Variants in LHX8 observed in about 807,000 individuals in gnomAD.
LHX8 encodes the protein LIM/homeobox protein Lhx8.
LHX8 carries 12 observed loss-of-function variants against 40.3 expected under a neutral mutation model. The observed-to-expected ratio is 0.30, with a 90% CI of 0.19 to 0.48. LHX8 has a LOEUF of 0.48. Ranked by LOEUF, LHX8 falls within the 20% of genes least tolerant of loss-of-function variation. LHX8 has a pLI of 0.99. For synonymous variants in LHX8, 179 were observed against 162.0 expected, an observed-to-expected ratio of 1.10 and a Z score of -0.80; for missense variants, 344 against 433.7, an observed-to-expected ratio of 0.79 and a Z score of 1.84.
At chr1:75,170,093 A>T in the LHX8 span, among the ~76,000 whole-genome samples, 1 of 152,182 alleles carries the variant, frequency 6.6e-6, no homozygotes, top group Non-Finnish European at 1.5e-5. Flanking sequence ...TGCTAACATG[A>T]ATCCACACTG....
chr1:75,193,893 A>G, the LHX8 span, among the ~76,000 whole-genome samples: 2 of 152,178 alleles, frequency 1.3e-5, no homozygotes, highest in African/African-American at 4.8e-5. Context: ...TTTCCCTGAA[A>G]TTCATCCTTT....
chr1:75,196,422 G>C, the LHX8 span, among the ~76,000 whole-genome samples: 1 of 152,120 alleles, frequency 6.6e-6, no homozygotes, highest in Non-Finnish European at 1.5e-5. Context: ...GAGCTTGAAA[G>C]CAATACACAT....
At chr1:75,142,126 G>C (rs933992459) in intron 4 of LHX8, among the ~76,000 whole-genome samples, 1 of 152,108 alleles carries the variant, frequency 6.6e-6, no homozygotes. Flanking sequence ...ATTTTTGGTA[G>C]TAACTTAAAG....
intron 1 of LHX8, among the ~76,000 whole-genome samples, chr1:75,135,349 T>C (rs1202609059): frequency 1.3e-5 from 2 of 152,218 alleles, no homozygotes; most frequent in Admixed American, 1.3e-4. Context: ...GGGGCGCCCC[T>C]GACTATTTCT....
the LHX8 span, among the ~76,000 whole-genome samples, chr1:75,185,730 A>T: frequency 2.0e-5 from 3 of 152,212 alleles, no homozygotes; most frequent in African/African-American, 7.2e-5. Context: ...AAGGGCATTC[A>T]AACAGGAAGA....
intron 7 of LHX8, among the ~76,000 whole-genome samples, chr1:75,153,595 A>G (rs188384812): frequency 5.4e-4 from 82 of 151,238 alleles, no homozygotes; most frequent in Non-Finnish European, 3.4e-4. Flanking sequence ...TATTTTTAGT[A>G]GAGATGGGGT....
the LHX8 span, among the ~76,000 whole-genome samples, chr1:75,173,374 C>CTTTTTTTT: frequency 2.1e-5 from 2 of 96,470 alleles, no homozygotes; most frequent in African/African-American, 4.1e-5. Flanking sequence ...GATATATACT[C>CTTTTTTTT]TTTTTTTTTT....
At chr1:75,164,846 T>C (rs1218432364), downstream of LHX8, among the ~76,000 whole-genome samples, 2 of 152,064 alleles carry the variant, frequency 1.3e-5, no homozygotes, top group East Asian at 1.9e-4. Flanking sequence ...AAATTTTTTT[T>C]TGTAGAGACT....
chr1:75,182,369 CTTTTTTTTTTTT>C, the LHX8 span, among the ~76,000 whole-genome samples: 1 of 92,318 alleles, frequency 1.1e-5, no homozygotes. Context: ...TGCCTATTTC[CTTTTTTTTTTTT>C]TTTTTTTTTG....
downstream of LHX8, among the ~76,000 whole-genome samples, chr1:75,164,498 G>A (rs529287980): frequency 3.3e-5 from 5 of 152,162 alleles, no homozygotes; most frequent in East Asian, 9.7e-4. Flanking sequence ...GAATGGATGT[G>A]CATGCATAGG....
the LHX8 span, among the ~76,000 whole-genome samples, chr1:75,199,013 C>T: frequency 0.1 from 15,738 of 152,138 alleles, 1,265 homozygotes; most frequent in African/African-American, 0.22. Flanking sequence ...GGACATCATT[C>T]TTTTTTGTTT....
chr1:75,193,265 A>G, the LHX8 span, among the ~76,000 whole-genome samples: 4 of 152,170 alleles, frequency 2.6e-5, no homozygotes, highest in Non-Finnish European at 5.9e-5. Flanking sequence ...AGATGATCCC[A>G]GCACATTGCC....
chr1:75,143,082 T>G (rs769300858), intron 4 of LHX8, 36 bp from the exon 5 acceptor site: 48 of 1,547,634 alleles, frequency 3.1e-5, no homozygotes, highest in Non-Finnish European at 4.2e-5. Flanking sequence ...CACCAGGCAT[T>G]AAAATATTTA....
At chr1:75,193,663 A>G in the LHX8 span, among the ~76,000 whole-genome samples, 1 of 152,328 alleles carries the variant, frequency 6.6e-6, no homozygotes, top group African/African-American at 2.4e-5. Context: ...TCTTCACAAT[A>G]TAACTCCAAC....
intron 3 of LHX8, 86 bp downstream of exon 3, chr1:75,137,347 C>A (rs1312837038): frequency 6.6e-6 from 9 of 1,373,440 alleles, no homozygotes; most frequent in African/African-American, 1.4e-5. Flanking sequence ...CTCCCACCAA[C>A]CTTTCCGTTC....
the LHX8 span, among the ~76,000 whole-genome samples, chr1:75,187,581 G>A: frequency 6.6e-6 from 1 of 152,076 alleles, no homozygotes; most frequent in Non-Finnish European, 1.5e-5. Context: ...TTCATTTGGA[G>A]AATTTGAGTC....
intron 3 of LHX8, among the ~76,000 whole-genome samples, chr1:75,138,784 A>G (rs1354452624): frequency 6.6e-6 from 1 of 152,146 alleles, no homozygotes; most frequent in African/African-American, 2.4e-5. Flanking sequence ...TTAATCTTGT[A>G]TACATTTATA....
In LHX8 at chr1:75,137,111, G is replaced by A. The variant is rs749813608; in HGVS notation, c.87G>A (p.Glu29=). 6.2e-6 allele frequency: 10 copies of A among 1,605,440 alleles called. No individual in the cohort carries two copies. Among genetic ancestry groups the A allele is most frequent in the Admixed American group, 1.7e-5 (1 of 59,832 alleles). Residue 29 remains glutamate (E), a synonymous_variant, in exon 3 of 9, where the codon GAG becomes GAA. Coordinates refer to ENST00000356261, the MANE Select transcript of LHX8 (RefSeq NM_001256114.2). The stretch of plus-strand genomic sequence containing the variant: ...GCGGTTTCCTGCAGGTGAGCCCCGA[G>A]GGAGCGGGGGACGAGGACTCGTGCT... ...GAGEEGLVSP[E]GAGDEDSCSS... is the part of the protein sequence containing the mutation.
intron 7 of LHX8, among the ~76,000 whole-genome samples, chr1:75,155,838 G>GT (rs1323962706): frequency 6.6e-6 from 1 of 152,104 alleles, no homozygotes; most frequent in African/African-American, 2.4e-5. Flanking sequence ...AATAGCCTAT[G>GT]TATTCACCAA....
Sources: allele counts gnomAD v4.1 joint callset (sites outside exome capture counted in the v4.1 genomes callset), GRCh38; gene constraint gnomAD v4.1.1; transcripts MANE v1.5; gene names NCBI Gene and HGNC (gene_info 2026-07-23, HGNC 2026-07-21).